Variants in SCAPER observed in about 807,000 individuals in gnomAD.
SCAPER encodes the protein S-phase cyclin A associated protein in the ER.
SCAPER carries 98 observed loss-of-function variants against 182.2 expected under a neutral mutation model. The observed-to-expected ratio is 0.54, with a 90% CI of 0.46 to 0.64. The LOEUF (loss-of-function observed/expected upper bound fraction) is 0.64. Ranked by LOEUF, SCAPER falls within the 30% of genes least tolerant of loss-of-function variation. SCAPER has a pLI of 0.00. For missense variants in SCAPER, 1,432 were observed against 1,690.0 expected, an observed-to-expected ratio of 0.85 and a Z score of 2.68; for synonymous variants, 605 against 564.6, an observed-to-expected ratio of 1.07 and a Z score of -1.01.
intron 2 of SCAPER, among the ~76,000 whole-genome samples, chr15:76,882,371 G>A (rs533578677): frequency 9.9e-5 from 15 of 151,706 alleles, no homozygotes; most frequent in African/African-American, 3.6e-4. Context: ...CAGACTGGGT[G>A]ACAGAGAGAC....
intron 25 of SCAPER, among the ~76,000 whole-genome samples, chr15:76,461,755 T>C (rs1479751847): frequency 6.6e-6 from 1 of 152,168 alleles, no homozygotes; most frequent in Non-Finnish European, 1.5e-5. Flanking sequence ...CTCTTGAAAA[T>C]AATGCACATC....
intron 17 of SCAPER, among the ~76,000 whole-genome samples, chr15:76,710,535 C>T (rs1283137030): frequency 6.6e-6 from 1 of 152,050 alleles, no homozygotes; most frequent in Non-Finnish European, 1.5e-5. Context: ...ATTCCATTTA[C>T]AGCAGCTTTA....
intron 5 of SCAPER, among the ~76,000 whole-genome samples, chr15:76,824,010 A>G (rs545445946): frequency 3.3e-5 from 5 of 152,280 alleles, no homozygotes; most frequent in Non-Finnish European, 5.9e-5. Flanking sequence ...TACACAGCCT[A>G]TTTCAAGGAA....
At chr15:76,718,965 T>A (rs2060042979) in intron 17 of SCAPER, among the ~76,000 whole-genome samples, 1 of 152,108 alleles carries the variant, frequency 6.6e-6, no homozygotes, top group Non-Finnish European at 1.5e-5. Flanking sequence ...TGTGGCTTGG[T>A]ACAGCCATCT....
intron 20 of SCAPER, among the ~76,000 whole-genome samples, chr15:76,690,146 GC>G (rs2058273432): frequency 6.6e-6 from 1 of 151,902 alleles, no homozygotes; most frequent in South Asian, 2.1e-4. Context: ...CACTACTGTG[GC>G]AAGAAATAAG....
chr15:76,434,332 T>C lies in SCAPER; in HGVS notation c.3079-22A>G, dbSNP rs367802489. ...AAACCTAGATGAAAAAAAAGTACAGTAAATATGTTTCAATAAAACCACCAA... is the reference window on the plus strand; with the variant it reads ...AAACCTAGATGAAAAAAAAGTACAGCAAATATGTTTCAATAAAACCACCAA... On this transcript the variant is annotated intron_variant, in intron 25 of 31. Coordinates refer to ENST00000563290, the MANE Select transcript of SCAPER (RefSeq NM_020843.4). 1.1e-5 allele frequency: 17 copies of C among 1,534,316 alleles called. No homozygotes were observed. In the African/African-American group the frequency reaches 2.2e-4, roughly 20 times the overall value.
chr15:76,763,477 T>C (rs1452067214), intron 14 of SCAPER, among the ~76,000 whole-genome samples: 1 of 152,104 alleles, frequency 6.6e-6, no homozygotes, highest in Non-Finnish European at 1.5e-5. Context: ...CTTTAACTGT[T>C]GTGGGGTTCT....
intron 17 of SCAPER, among the ~76,000 whole-genome samples, chr15:76,724,734 T>C (rs2060480483): frequency 6.6e-6 from 1 of 152,216 alleles, no homozygotes. Flanking sequence ...CTGAGTCTTG[T>C]GCATTTGTCA....
intron 21 of SCAPER, among the ~76,000 whole-genome samples, chr15:76,657,824 G>A (rs1489075748): frequency 9.2e-5 from 14 of 152,056 alleles, no homozygotes; most frequent in East Asian, 1.9e-4. Flanking sequence ...TCATATGATC[G>A]TCTAAATAGA....
At chr15:76,889,573 G>C (rs766017141) in intron 1 of SCAPER, among the ~76,000 whole-genome samples, 3 of 152,128 alleles carry the variant, frequency 2.0e-5, no homozygotes, top group African/African-American at 7.2e-5. Context: ...AAAAGACAAA[G>C]AAGGCCATTA....
chr15:76,522,961 C>T lies in SCAPER; in HGVS notation c.2839-17987G>A, dbSNP rs2042936787. ...AGTATATAATGTTATTTCTCATTTA[C>T]ATGGGGAATTCTATTCTGAAAAATC... On this transcript the variant is annotated intron_variant, in intron 23 of 31. Transcript: ENST00000563290. Among the ~76,000 whole-genome samples the T allele has an allele frequency of 2.6e-5, 4 of 152,122 alleles. No homozygotes were observed. The South Asian group carries it at 8.3e-4, about 32-fold the overall frequency.
chr15:76,875,905 C>T (rs910764413), intron 2 of SCAPER, among the ~76,000 whole-genome samples: 7 of 152,268 alleles, frequency 4.6e-5, no homozygotes, highest in South Asian at 2.1e-4. Flanking sequence ...GCTCGGGCCG[C>T]GCAGGACCCC....
chr15:76,418,640 G>C (rs2045819138), intron 26 of SCAPER, among the ~76,000 whole-genome samples: 2 of 152,234 alleles, frequency 1.3e-5, no homozygotes, highest in African/African-American at 4.8e-5. Flanking sequence ...ATGGGTGCTT[G>C]CATCACTATA....
At chr15:76,781,255 T>C (rs1029779772) in intron 8 of SCAPER, among the ~76,000 whole-genome samples, 4 of 152,180 alleles carry the variant, frequency 2.6e-5, no homozygotes, top group Middle Eastern at 3.4e-3. Context: ...CAAGCTTCAA[T>C]AGCGGATTCG....
intron 23 of SCAPER, among the ~76,000 whole-genome samples, chr15:76,541,020 C>T (rs2044703225): frequency 6.6e-6 from 1 of 151,806 alleles, no homozygotes; most frequent in Admixed American, 6.6e-5. Flanking sequence ...ACTCAGGAGG[C>T]TGAGGCAGAG....
At chr15:76,508,080 C>T (rs1442797978) in intron 23 of SCAPER, among the ~76,000 whole-genome samples, 1 of 151,948 alleles carries the variant, frequency 6.6e-6, no homozygotes, top group Non-Finnish European at 1.5e-5. Flanking sequence ...ATCTTATTCA[C>T]TGTCTCTTCC....
At chr15:76,826,297 T>C (rs1336215376) in intron 5 of SCAPER, among the ~76,000 whole-genome samples, 1 of 150,676 alleles carries the variant, frequency 6.6e-6, no homozygotes, top group African/African-American at 2.4e-5. Flanking sequence ...TCATTCTCAG[T>C]AAACTATCGC....
At chr15:76,535,143 T>C (rs1172541522) in intron 23 of SCAPER, among the ~76,000 whole-genome samples, 1 of 152,050 alleles carries the variant, frequency 6.6e-6, no homozygotes, top group Non-Finnish European at 1.5e-5. Flanking sequence ...GAATTTAACA[T>C]TTATGATTAC....
chr15:76,835,118 C>T (rs181197158), intron 5 of SCAPER, among the ~76,000 whole-genome samples: 2 of 152,062 alleles, frequency 1.3e-5, no homozygotes, highest in East Asian at 3.9e-4. Flanking sequence ...AAACCAGTAG[C>T]ATTTCTATAC....
Sources: allele counts gnomAD v4.1 joint callset (sites outside exome capture counted in the v4.1 genomes callset), GRCh38; gene constraint gnomAD v4.1.1; transcripts MANE v1.5; gene names NCBI Gene and HGNC (gene_info 2026-07-23, HGNC 2026-07-21).